PLPP7: variants seen among roughly 807,000 people sequenced by gnomAD.
PLPP7 encodes the protein inactive phospholipid phosphatase 7.
In PLPP7, 11 loss-of-function variants were observed where a neutral mutation model predicts 16.9. The observed-to-expected ratio is 0.65, with a 90% CI of 0.41 to 1.08. PLPP7 has a LOEUF of 1.08. PLPP7 is among the 50% of genes least tolerant of loss of function. PLPP7 has a pLI of 0.00. For missense variants in PLPP7, 358 were observed against 397.1 expected (o/e 0.90, Z 0.84); for synonymous variants, 174 against 175.1 (o/e 0.99, Z 0.05).
chr9:131,307,562 A>AAAAAAAAAAAAAAAC (rs1835867012), intron 1 of PLPP7, among the ~76,000 whole-genome samples: 1 of 22,476 alleles, frequency 4.4e-5, no homozygotes, highest in Non-Finnish European at 1.9e-4. Context: ...AAAAAAAAAA[A>AAAAAAAAAAAAAAAC]AAAAAAAAAA....
intron 1 of PLPP7, among the ~76,000 whole-genome samples, chr9:131,293,304 T>C (rs568460424): frequency 2.5e-4 from 38 of 152,250 alleles, no homozygotes; most frequent in Non-Finnish European, 4.3e-4. Flanking sequence ...AGGGGAATGA[T>C]CTGGGAGGAG....
chr9:131,293,158 A>G (rs997088154), intron 1 of PLPP7, among the ~76,000 whole-genome samples: 2 of 152,184 alleles, frequency 1.3e-5, no homozygotes, highest in Non-Finnish European at 2.9e-5. Context: ...CCATACAGCT[A>G]TAAGCGGTAG....
chr9:131,299,823 G>A (rs1835776240), intron 1 of PLPP7, among the ~76,000 whole-genome samples: 1 of 152,212 alleles, frequency 6.6e-6, no homozygotes, highest in Non-Finnish European at 1.5e-5. Context: ...AGAACCGGCG[G>A]TGCCCAAGAA....
chr9:131,308,009 G>T lies in PLPP7; in HGVS notation c.538G>T (p.Asp180Tyr). 1.2e-6 allele frequency: 2 copies of T among 1,600,952 alleles called. No individual in the cohort carries two copies. ...GTACGAGACGAGCCCCAGCCTCCTG[G>T]ACTACCTCACCATGGACATCTACGC... The part of the protein sequence containing the change: ...GPYETSPSLL[D>Y]YLTMDIYAFP... The change falls in exon 2 of 2, where the codon GAC (aspartate) becomes TAC (tyrosine). Residue 180 changes from aspartate (D) to tyrosine (Y), a missense_variant. Transcript: ENST00000372264.
At chr9:131,298,742 G>C (rs934287929) in intron 1 of PLPP7, among the ~76,000 whole-genome samples, 30 of 152,242 alleles carry the variant, frequency 2.0e-4, no homozygotes, top group African/African-American at 6.8e-4. Context: ...AGAAAGCCCT[G>C]GCTCCTGCCT....
At chr9:131,293,207 C>T (rs1835701177) in intron 1 of PLPP7, among the ~76,000 whole-genome samples, 1 of 150,830 alleles carries the variant, frequency 6.6e-6, no homozygotes, top group South Asian at 2.1e-4. Flanking sequence ...ACTGCAAACC[C>T]CCCCACTCCT....
chr9:131,303,332 T>TA (rs34474446), intron 1 of PLPP7, among the ~76,000 whole-genome samples: 1,880 of 99,072 alleles, frequency 0.019, 24 homozygotes, highest in African/African-American at 0.028. Context: ...AACTCTGTCT[T>TA]AAAAAAAAAA....
intron 1 of PLPP7, among the ~76,000 whole-genome samples, chr9:131,304,230 A>G (rs981549240): frequency 1.6e-4 from 24 of 152,180 alleles, no homozygotes; most frequent in African/African-American, 5.1e-4. Flanking sequence ...GGGTCCTGGC[A>G]TGGTGCCTTC....
intron 1 of PLPP7, among the ~76,000 whole-genome samples, chr9:131,306,326 G>A (rs1169117911): frequency 1.3e-5 from 2 of 151,910 alleles, no homozygotes; most frequent in Non-Finnish European, 2.9e-5. Flanking sequence ...CGGATCACTT[G>A]AGGTCAGGAG....
Position 131,308,237 on chromosome 9 carries a change from C to T in PLPP7, c.766C>T (p.Leu256=). 6.3e-7 allele frequency: 1 copy of T among 1,599,238 alleles called. No homozygotes were observed. The highest frequency in any genetic ancestry group is 1.1e-5 in the South Asian group (1 of 91,012). Residue 256 remains leucine (L), a synonymous_variant, in exon 2 of 2, where the codon CTG becomes TTG. Transcript: ENST00000372264. ...IGYLQFRLVE[L]VWMPSSTCQM... is the part of the protein sequence containing the mutation. The stretch of plus-strand genomic sequence containing the variant: ...CTACCTCCAGTTCCGTCTGGTGGAG[C>T]TGGTCTGGATGCCCTCCAGCACCTG...
chr9:131,303,361 G>A (rs1835820190), intron 1 of PLPP7, among the ~76,000 whole-genome samples: 1 of 149,134 alleles, frequency 6.7e-6, no homozygotes, highest in Non-Finnish European at 1.5e-5. Context: ...AAAAAGCTGT[G>A]CTCTATAAGT....
chr9:131,291,188 C>T, intron 1 of PLPP7: 1 of 1,364,368 alleles, frequency 7.3e-7, no homozygotes, highest in African/African-American at 1.5e-5. Context: ...AGGTGATGCC[C>T]AGCCCCCGTC....
rs923728971 is a variant in PLPP7, at chr9:131,307,988, G to A, written c.517G>A (p.Glu173Lys). ...QKLIKRRGPY[E>K]TSPSLLDYLT... ...GCTCATCAAGCGGCGCGGCCCGTAC[G>A]AGACGAGCCCCAGCCTCCTGGACTA... Residue 173 changes from glutamate to lysine, a missense_variant, in exon 2 of 2, where the codon GAG becomes AAG. Glu to Lys is a moderately conservative substitution (Grantham distance 56). Transcript: ENST00000372264. 7.5e-6 allele frequency: 12 copies of A among 1,600,312 alleles called. No homozygotes were observed. In the African/African-American group the frequency reaches 8.0e-5, roughly 11 times the overall value.
rs1835665457 is a variant in PLPP7, at chr9:131,290,818, CTGTT to C, written c.451+373_451+376del. Among the ~76,000 whole-genome samples the C allele has an allele frequency of 6.6e-6, 1 of 152,178 alleles. No individual in the cohort carries two copies. The highest frequency in any genetic ancestry group is 1.5e-5 in the Non-Finnish European group (1 of 68,030). ...GTGGGCATCCTGGAATGGGGTGTCA[CTGTT>C]TGACTCCTGCCCCACGGCTGAGGTC... On this transcript the variant is annotated intron_variant, in intron 1 of 1. Coordinates refer to ENST00000372264, the MANE Select transcript of PLPP7 (RefSeq NM_032728.4). This position sits in a 1 kb window ranked among gnomAD's most constrained non-coding sequence, Gnocchi z 4.2.
rs1333442854 is a variant in PLPP7, at chr9:131,308,945, C to T, written c.*658C>T. Reference sequence around the variant, plus strand: ...GCTTCTTGCTAAACCTTCTTTAACCCATGTTTTCTAAACTTATTTGACCAC... The same window carrying T: ...GCTTCTTGCTAAACCTTCTTTAACCTATGTTTTCTAAACTTATTTGACCAC... On this transcript the variant is annotated 3_prime_UTR_variant, in exon 2 of 2. Transcript: ENST00000372264. 1 of 152,308 alleles carries T rather than the reference C, an allele frequency of 6.6e-6. No individual in the cohort carries two copies. The highest frequency in any genetic ancestry group is 1.5e-5 in the Non-Finnish European group (1 of 68,100). 9.4% of individuals were successfully genotyped at this position (152,308 alleles called of 1,614,324 possible).
intron 1 of PLPP7, among the ~76,000 whole-genome samples, chr9:131,301,149 A>T (rs1054612458): frequency 2.0e-5 from 3 of 151,924 alleles, no homozygotes; most frequent in Non-Finnish European, 4.4e-5. Context: ...TTGTTTTTTC[A>T]GTAGAGATGG....
chr9:131,298,842 G>A (rs1442288266), intron 1 of PLPP7, among the ~76,000 whole-genome samples: 1 of 152,224 alleles, frequency 6.6e-6, no homozygotes, highest in Non-Finnish European at 1.5e-5. Context: ...CCTCGAGGTG[G>A]GTTCTTGTTG....
At position 131,295,966 on chromosome 9, in the gene PLPP7, G is replaced by A. The variant is rs1835731447; in HGVS notation, c.451+5518G>A. ...TCTGAGTAACGCTGCCGTGCGCACA[G>A]GTGTATATGCATCTTCTTGAGCCCC... On this transcript the variant is annotated intron_variant, in intron 1 of 1. Transcript: ENST00000372264. The surrounding 1 kb of genome is among the most constrained non-coding windows in gnomAD (Gnocchi z 4.0). Among the ~76,000 whole-genome samples the A allele has an allele frequency of 6.6e-6, 1 of 152,194 alleles. No homozygotes were observed. The highest frequency in any genetic ancestry group is 2.4e-5 in the African/African-American group (1 of 41,434).
At chr9:131,297,201 G>A (rs1019353765) in intron 1 of PLPP7, among the ~76,000 whole-genome samples, 2 of 152,152 alleles carry the variant, frequency 1.3e-5, no homozygotes, top group African/African-American at 4.8e-5. Context: ...CAGTAGGCAG[G>A]GTCTGGATCA....
Sources: allele counts gnomAD v4.1 joint callset (sites outside exome capture counted in the v4.1 genomes callset), GRCh38; gene constraint gnomAD v4.1.1; non-coding constraint Gnocchi (gnomAD v3.1); transcripts MANE v1.5; gene names NCBI Gene and HGNC (gene_info 2026-07-23, HGNC 2026-07-21).